The following ANK3 variants were observed in gnomAD, a reference collection of about 807,000 sequenced individuals.
ANK3 encodes ankyrin-3.
Under a neutral mutation model 370.9 loss-of-function variants are expected in ANK3, and 57 were observed. The ratio of observed to expected loss-of-function variants is 0.15; its 90% CI spans 0.12 to 0.19. The LOEUF (loss-of-function observed/expected upper bound fraction) is 0.19. Among genes scored for constraint, ANK3 ranks in the 10% least tolerant of loss-of-function variants. The pLI, the probability that ANK3 is intolerant of heterozygous loss-of-function variation, is 1.00. For synonymous variants in ANK3, 1,929 were observed against 1,946.3 expected (o/e 0.99, Z 0.23); for missense variants, 4,439 against 5,302.1 (o/e 0.84, Z 5.06).
intron 2 of ANK3, among the ~76,000 whole-genome samples, chr10:60,489,197 T>C (rs1489002985): frequency 6.6e-6 from 1 of 152,196 alleles, no homozygotes; most frequent in Non-Finnish European, 1.5e-5. Flanking sequence ...GCAGTTACCC[T>C]GTGCCAAGAT....
At chr10:60,224,706 G>A (rs1323786167) in intron 8 of ANK3, among the ~76,000 whole-genome samples, 1 of 152,030 alleles carries the variant, frequency 6.6e-6, no homozygotes, top group Non-Finnish European at 1.5e-5. Flanking sequence ...TCTAGAGAAA[G>A]AAAAGGAATT....
chr10:60,584,550 G>A (rs1458174839), intron 2 of ANK3, among the ~76,000 whole-genome samples: 1 of 152,138 alleles, frequency 6.6e-6, no homozygotes, highest in Non-Finnish European at 1.5e-5. Flanking sequence ...CCAGGAGTTT[G>A]AGGCTGCAAT....
At chr10:60,101,595 A>G (rs1397503327) in intron 28 of ANK3, among the ~76,000 whole-genome samples, 1 of 152,192 alleles carries the variant, frequency 6.6e-6, no homozygotes, top group Non-Finnish European at 1.5e-5. Flanking sequence ...GCCAAAGTTA[A>G]AGTTGTTCTT....
At chr10:60,714,397 T>A (rs2079753103) in intron 1 of ANK3, among the ~76,000 whole-genome samples, 1 of 152,136 alleles carries the variant, frequency 6.6e-6, no homozygotes, top group African/African-American at 2.4e-5. Flanking sequence ...TTCTATTAGG[T>A]CAGCATTACC....
At chr10:60,131,274 T>G (rs7070364) in intron 25 of ANK3, among the ~76,000 whole-genome samples, 1 of 151,680 alleles carries the variant, frequency 6.6e-6, no homozygotes, top group East Asian at 1.9e-4. Context: ...TTTCCCGCTC[T>G]GAAATCTCCT....
At chr10:60,583,958 T>G (rs180793324) in intron 2 of ANK3, among the ~76,000 whole-genome samples, 1 of 152,330 alleles carries the variant, frequency 6.6e-6, no homozygotes, top group Non-Finnish European at 1.5e-5. Flanking sequence ...TTTCCTAATT[T>G]GATCTTTACA....
At chr10:60,439,134 G>A (rs774012777) in intron 2 of ANK3, among the ~76,000 whole-genome samples, 1 of 152,134 alleles carries the variant, frequency 6.6e-6, no homozygotes, top group East Asian at 1.9e-4. Context: ...AAATTATTAA[G>A]AAATGATAGA....
In ANK3 at chr10:60,080,577, A is replaced by G; in HGVS notation, c.4392T>C (p.Ala1464=). The G allele has an allele frequency of 1.2e-6, 2 of 1,610,726 alleles. No individual in the cohort carries two copies. The highest frequency in any genetic ancestry group is 1.7e-6 in the Non-Finnish European group (2 of 1,179,126). ...TCAAGTAGCTGTAGCGCTTACGTAA[A>G]GCTAAGGATGCGAAGCTCTGTCGTC... ...TDRRQSFASL[A]LRKRYSYLTE... Residue 1464 remains alanine (A), a synonymous_variant, in exon 36 of 44, where the codon GCT becomes GCC. Transcript: ENST00000280772.
At chr10:60,256,893 T>C (rs747710989) in intron 7 of ANK3, among the ~76,000 whole-genome samples, 4 of 152,216 alleles carry the variant, frequency 2.6e-5, no homozygotes, top group Non-Finnish European at 4.4e-5. Context: ...CCTAGGTTGA[T>C]TCTGTGTCTT....
intron 1 of ANK3, among the ~76,000 whole-genome samples, chr10:60,639,901 G>T (rs2078606538): frequency 6.6e-6 from 1 of 151,692 alleles, no homozygotes; most frequent in South Asian, 2.1e-4. Flanking sequence ...ACATTCCAAT[G>T]AAAAAGAAAA....
At chr10:60,232,479 T>G (rs1464634166) in intron 8 of ANK3, among the ~76,000 whole-genome samples, 1 of 152,212 alleles carries the variant, frequency 6.6e-6, no homozygotes, top group Admixed American at 6.5e-5. Flanking sequence ...CCCTGCCATT[T>G]AAAGCAATGG....
At chr10:60,459,065 A>T (rs1285211901) in intron 2 of ANK3, among the ~76,000 whole-genome samples, 1 of 152,164 alleles carries the variant, frequency 6.6e-6, no homozygotes, top group Admixed American at 6.6e-5. Context: ...AATGAGTGAT[A>T]GTGCATATCC....
Position 60,375,490 on chromosome 10 carries a change from C to A in ANK3, c.114+13935G>T, listed in dbSNP as rs529913912. 3.2e-4 allele frequency among the ~76,000 whole-genome samples: 48 copies of A among 151,972 alleles called. No individual in the cohort carries two copies. In the South Asian group the frequency reaches 9.6e-3, roughly 30 times the overall value. On this transcript the variant is annotated intron_variant, in intron 1 of 43. Transcript: ENST00000280772. Reference sequence around the variant, plus strand: ...AGAACTCAAAGGTAACCCATTAAGGCCTGCCTGGGGGGGGAGGGGGGAAGG... The same window carrying A: ...AGAACTCAAAGGTAACCCATTAAGGACTGCCTGGGGGGGGAGGGGGGAAGG...
chr10:60,180,594 C>CAAAAA (rs58386273), intron 18 of ANK3, among the ~76,000 whole-genome samples: 1,150 of 63,378 alleles, frequency 0.018, 177 homozygotes, highest in African/African-American at 0.075. Flanking sequence ...GACTCCGTCT[C>CAAAAA]AAAAAAAAAA....
intron 2 of ANK3, among the ~76,000 whole-genome samples, chr10:60,544,482 T>C (rs2076918470): frequency 6.6e-6 from 1 of 152,116 alleles, no homozygotes; most frequent in Admixed American, 6.6e-5. Flanking sequence ...CTTTCCATTT[T>C]TCCCCTATAT....
At chr10:60,249,615 GA>G (rs1210767683) in intron 7 of ANK3, among the ~76,000 whole-genome samples, 1 of 152,132 alleles carries the variant, frequency 6.6e-6, no homozygotes, top group South Asian at 2.1e-4. Context: ...GTCAAGAAAT[GA>G]AAACAATGTC....
Position 60,270,201 on chromosome 10 carries a change from G to A in ANK3, c.443C>T (p.Ala148Val), listed in dbSNP as rs768212064. The A allele has an allele frequency of 1.9e-6, 3 of 1,599,734 alleles. No homozygotes were observed. The highest frequency in any genetic ancestry group is 1.3e-5 in the African/African-American group (1 of 74,294). The stretch of plus-strand genomic sequence containing the variant: ...GACAACTTCCAGGTGATTTTCCTGG[G>A]CTGCCATATACAATGGCGTGAAACC... ...QNGFTPLYMA[A>V]QENHLEVVKF... The change falls in exon 5 of 44, where the codon GCC becomes GTC. Residue 148 changes from alanine (A) to valine (V), a missense_variant. By Grantham distance (64) the Ala-to-Val change is moderately conservative. Around this residue, in one of 13 missense-constraint regions of ANK3, gnomAD observed 136 missense variants for 230.5 expected, o/e 0.59. Transcript: ENST00000280772.
intron 2 of ANK3, among the ~76,000 whole-genome samples, chr10:60,489,887 TG>T (rs2075449456): frequency 6.6e-6 from 1 of 152,230 alleles, no homozygotes; most frequent in African/African-American, 2.4e-5. Flanking sequence ...TATGCTCATA[TG>T]TACTGAACAG....
At position 60,072,966 on chromosome 10, in the gene ANK3, G is replaced by T. The variant is rs750097260; in HGVS notation, c.7915C>A (p.Leu2639Met). Reference protein sequence around the residue: ...SSPEKVLLTELLASNDEWVKA... With the variant: ...SSPEKVLLTEMLASNDEWVKA... ...ACCCACTCATCATTGGATGCCAGCA[G>T]TTCTGTCAGTAGCACTTTCTCAGGG... Residue 2639 changes from leucine (L) to methionine (M), a missense_variant, in exon 37 of 44, where the codon CTG becomes ATG. By Grantham distance (15) the Leu-to-Met change is conservative (BLOSUM62 2). Coordinates refer to ENST00000280772, the MANE Select transcript of ANK3 (RefSeq NM_020987.5). 4 of 1,614,114 alleles carry T rather than the reference G, an allele frequency of 2.5e-6. No homozygotes were observed.
Sources: gnomAD v4.1 joint callset for allele counts (sites outside exome capture counted in the v4.1 genomes callset) on GRCh38, gnomAD v4.1.1 for gene constraint, gnomAD v4.1.1 regional missense constraint, MANE v1.5 for transcripts, NCBI Gene and HGNC (gene_info 2026-07-23, HGNC 2026-07-21) for gene names.